The following LINGO2 variants were observed in gnomAD, a reference collection of about 807,000 sequenced individuals.
LINGO2 encodes leucine rich repeat and Ig domain containing 2, also known as leucine-rich repeat and immunoglobulin-like domain-containing nogo receptor-interacting protein 2.
In LINGO2, 14 loss-of-function variants were observed where a neutral mutation model predicts 30.6. The observed-to-expected ratio is 0.46, with a 90% CI of 0.30 to 0.72. LINGO2 has a LOEUF of 0.72. Among genes scored for constraint, LINGO2 ranks in the 30% least tolerant of loss-of-function variants. The pLI is 0.07. For synonymous variants in LINGO2, 317 were observed against 288.5 expected, an observed-to-expected ratio of 1.10 and a Z score of -1.00; for missense variants, 729 against 751.7, an observed-to-expected ratio of 0.97 and a Z score of 0.35.
chr9:28,312,796 T>C (rs1824683295), intron 3 of LINGO2, among the ~76,000 whole-genome samples: 1 of 152,238 alleles, frequency 6.6e-6, no homozygotes, highest in Non-Finnish European at 1.5e-5. Flanking sequence ...AATAATCATT[T>C]ATATCACTCT....
the LINGO2 span, among the ~76,000 whole-genome samples, chr9:29,108,305 C>T: frequency 0.011 from 1,676 of 152,160 alleles, 29 homozygotes; most frequent in African/African-American, 0.039. Context: ...GACTAGATAA[C>T]TAGAATGCAG....
intron 2 of LINGO2, among the ~76,000 whole-genome samples, chr9:28,472,519 G>C (rs1825563790): frequency 6.6e-6 from 1 of 151,904 alleles, no homozygotes; most frequent in Non-Finnish European, 1.5e-5. Flanking sequence ...CTATTAGGTT[G>C]TCCTAACGTT....
the LINGO2 span, among the ~76,000 whole-genome samples, chr9:29,204,282 G>A: frequency 6.6e-6 from 1 of 152,164 alleles, no homozygotes; most frequent in Non-Finnish European, 1.5e-5. Context: ...CACCTCTTAG[G>A]AAAATCTTTC....
At chr9:28,327,214 G>T (rs1825262559) in intron 3 of LINGO2, among the ~76,000 whole-genome samples, 1 of 152,116 alleles carries the variant, frequency 6.6e-6, no homozygotes, top group African/African-American at 2.4e-5. Flanking sequence ...CCAGCTTCAA[G>T]AACTGTGAGC....
At chr9:28,246,864 G>A (rs948076623) in intron 4 of LINGO2, among the ~76,000 whole-genome samples, 7 of 152,126 alleles carry the variant, frequency 4.6e-5, no homozygotes, top group Non-Finnish European at 8.8e-5. Context: ...TTTGACAAAG[G>A]TCTAATATAC....
intron 2 of LINGO2, among the ~76,000 whole-genome samples, chr9:28,404,037 A>T (rs1398456277): frequency 6.6e-6 from 1 of 152,100 alleles, no homozygotes; most frequent in Non-Finnish European, 1.5e-5. Flanking sequence ...AACCTGACCC[A>T]ATAAGCCAAA....
At chr9:28,122,742 A>G (rs1827134697) in intron 4 of LINGO2, among the ~76,000 whole-genome samples, 1 of 152,192 alleles carries the variant, frequency 6.6e-6, no homozygotes, top group South Asian at 2.1e-4. Flanking sequence ...TCACAGCATC[A>G]AAAGAACCAC....
the LINGO2 span, among the ~76,000 whole-genome samples, chr9:29,127,789 C>T: frequency 6.6e-6 from 1 of 152,078 alleles, no homozygotes; most frequent in South Asian, 2.1e-4. Flanking sequence ...TGGTTATAGT[C>T]CCTGATCCCT....
At chr9:29,171,697 C>T in the LINGO2 span, among the ~76,000 whole-genome samples, 1 of 151,782 alleles carries the variant, frequency 6.6e-6, no homozygotes, top group Admixed American at 6.6e-5. Flanking sequence ...AGGAATATCA[C>T]TTGGCGGAAA....
chr9:28,785,080 A>C, the LINGO2 span, among the ~76,000 whole-genome samples: 1 of 152,312 alleles, frequency 6.6e-6, no homozygotes, highest in Non-Finnish European at 1.5e-5. Context: ...AAGAAAGAAA[A>C]CAATTCAGGA....
chr9:28,240,989 G>A (rs564085266), intron 4 of LINGO2, among the ~76,000 whole-genome samples: 1 of 152,080 alleles, frequency 6.6e-6, no homozygotes. Context: ...GAAAAAATCT[G>A]GTCGGGCACA....
chr9:29,130,579 C>G, the LINGO2 span, among the ~76,000 whole-genome samples: 2 of 152,132 alleles, frequency 1.3e-5, no homozygotes, highest in African/African-American at 4.8e-5. Flanking sequence ...CATATGAAAT[C>G]TTACACAAAA....
chr9:28,256,348 A>G (rs1164127670), intron 4 of LINGO2, among the ~76,000 whole-genome samples: 1 of 151,916 alleles, frequency 6.6e-6, no homozygotes, highest in Non-Finnish European at 1.5e-5. Context: ...CACACTGCCA[A>G]CTATTGATTA....
chr9:28,753,531 C>G, the LINGO2 span, among the ~76,000 whole-genome samples: 1 of 151,956 alleles, frequency 6.6e-6, no homozygotes, highest in Non-Finnish European at 1.5e-5. Flanking sequence ...GAGCTGCTTA[C>G]AACTCTAAGA....
chr9:28,076,619 A>C (rs1825631438), intron 4 of LINGO2, among the ~76,000 whole-genome samples: 2 of 151,978 alleles, frequency 1.3e-5, no homozygotes, highest in Admixed American at 6.6e-5. Flanking sequence ...TCAATTATTT[A>C]CTTCTGAAAC....
At chr9:28,327,737 A>C (rs1825280838) in intron 3 of LINGO2, among the ~76,000 whole-genome samples, 1 of 152,234 alleles carries the variant, frequency 6.6e-6, no homozygotes, top group African/African-American at 2.4e-5. Flanking sequence ...GGTTAATTTT[A>C]GTTTCATCTG....
At chr9:29,133,283 T>C in the LINGO2 span, among the ~76,000 whole-genome samples, 1 of 152,170 alleles carries the variant, frequency 6.6e-6, no homozygotes, top group Non-Finnish European at 1.5e-5. Flanking sequence ...AGCAAAGTGG[T>C]GGTGGGACAG....
chr9:28,440,834 G>A (rs1824160831), intron 2 of LINGO2, among the ~76,000 whole-genome samples: 1 of 152,122 alleles, frequency 6.6e-6, no homozygotes, highest in Non-Finnish European at 1.5e-5. Flanking sequence ...TGAGAGCAAA[G>A]CATTTTAAAG....
At chr9:28,267,099 T>C (rs1028414359) in intron 4 of LINGO2, among the ~76,000 whole-genome samples, 2 of 151,824 alleles carry the variant, frequency 1.3e-5, no homozygotes, top group African/African-American at 4.8e-5. Context: ...CCGAGGAGGA[T>C]GAGCAAGAAA....
Sources: gnomAD v4.1 joint callset for allele counts (sites outside exome capture counted in the v4.1 genomes callset) on GRCh38, gnomAD v4.1.1 for gene constraint, MANE v1.5 for transcripts, NCBI Gene and HGNC (gene_info 2026-07-23, HGNC 2026-07-21) for gene names.